CD96: variants seen among roughly 807,000 people sequenced by gnomAD.
CD96 encodes the protein CD96 molecule, also known as T-cell surface protein tactile.
In CD96, 70 loss-of-function variants were observed where a neutral mutation model predicts 71.3. The observed-to-expected ratio is 0.98, with a 90% CI of 0.81 to 1.20. The LOEUF is 1.20. Ranked by LOEUF, CD96 falls within the 50% of genes most tolerant of loss-of-function variation. The pLI, the probability that CD96 is intolerant of heterozygous loss-of-function variation, is 0.00. For synonymous variants in CD96, 248 were observed against 233.0 expected (o/e 1.06, Z -0.59); for missense variants, 742 against 677.5 (o/e 1.10, Z -1.06).
chr3:111,623,638 G>A, intron 8 of CD96, 116 bp from the exon 9 acceptor site: 1 of 717,608 alleles, frequency 1.4e-6, no homozygotes, highest in Non-Finnish European at 2.6e-6. Flanking sequence ...AAATGAGGCT[G>A]TTCACTAAGA....
intron 8 of CD96, among the ~76,000 whole-genome samples, chr3:111,613,548 T>G (rs1938067410): frequency 6.6e-6 from 1 of 152,226 alleles, no homozygotes; most frequent in African/African-American, 2.4e-5. Flanking sequence ...ATGAAGCTGA[T>G]TCAAATGATG....
At chr3:111,643,678 C>T (rs1373402037) in intron 12 of CD96, among the ~76,000 whole-genome samples, 1 of 150,418 alleles carries the variant, frequency 6.6e-6, no homozygotes, top group Non-Finnish European at 1.5e-5. Context: ...CATCTATACA[C>T]CAACAGCAAC....
intron 12 of CD96, among the ~76,000 whole-genome samples, 197 bp from the exon 13 acceptor site, chr3:111,647,346 T>G (rs1939878645): frequency 6.6e-6 from 1 of 152,004 alleles, no homozygotes; most frequent in African/African-American, 2.4e-5. Flanking sequence ...CCACAGAAAA[T>G]TTCTGGTAGG....
At chr3:111,554,925 G>T (rs1045595177) in intron 2 of CD96, among the ~76,000 whole-genome samples, 20 of 152,036 alleles carry the variant, frequency 1.3e-4, no homozygotes, top group South Asian at 6.2e-4. Flanking sequence ...TCAGGCATTA[G>T]ATTCTCATAA....
intron 2 of CD96, among the ~76,000 whole-genome samples, chr3:111,546,647 G>A (rs1934408586): frequency 6.6e-6 from 1 of 151,968 alleles, no homozygotes; most frequent in Non-Finnish European, 1.5e-5. Flanking sequence ...CAGTGGACTG[G>A]TTCTAACTCA....
At chr3:111,567,467 G>T (rs2107547444) in intron 2 of CD96, 56 bp from the exon 3 acceptor site, 1 of 1,487,148 alleles carries the variant, frequency 6.7e-7, no homozygotes, top group Non-Finnish European at 9.4e-7. Context: ...TTGATAAAAA[G>T]CACTTTACAA....
intron 8 of CD96, among the ~76,000 whole-genome samples, chr3:111,622,419 A>T (rs1313489011): frequency 6.6e-6 from 1 of 152,028 alleles, no homozygotes; most frequent in Non-Finnish European, 1.5e-5. Flanking sequence ...TATATGTATG[A>T]CTCTTTTAAT....
intron 8 of CD96, among the ~76,000 whole-genome samples, chr3:111,615,506 A>G (rs191160065): frequency 3.5e-4 from 53 of 152,356 alleles, no homozygotes; most frequent in African/African-American, 1.2e-3. Flanking sequence ...TAGAACCTCT[A>G]AATCCATTTG....
At chr3:111,557,617 T>C (rs1193141367) in intron 2 of CD96, among the ~76,000 whole-genome samples, 7 of 129,242 alleles carry the variant, frequency 5.4e-5, no homozygotes, top group Admixed American at 1.6e-4. Flanking sequence ...AGCCTTGTAG[T>C]ATAGTTTGAA....
chr3:111,635,737 G>T (rs1939296990), intron 10 of CD96, among the ~76,000 whole-genome samples: 1 of 152,146 alleles, frequency 6.6e-6, no homozygotes, highest in African/African-American at 2.4e-5. Context: ...TCCTTAAATG[G>T]ATTGTGCTTA....
At chr3:111,579,394 G>T (rs774010431) in intron 4 of CD96, 160 bp downstream of exon 4, 4 of 702,364 alleles carry the variant, frequency 5.7e-6, no homozygotes, top group African/African-American at 3.5e-5. Flanking sequence ...TGGGCAGGGG[G>T]ATGAGGGTAG....
At chr3:111,548,848 C>T (rs77037095) in intron 2 of CD96, among the ~76,000 whole-genome samples, 1,925 of 152,222 alleles carry the variant, frequency 0.013, 19 homozygotes, top group Non-Finnish European at 0.018. Flanking sequence ...AATGCTGGCT[C>T]TTCTTAAATT....
At chr3:111,660,402 G>T (rs930396998) in intron 14 of CD96, among the ~76,000 whole-genome samples, 6 of 152,150 alleles carry the variant, frequency 3.9e-5, no homozygotes, top group African/African-American at 1.4e-4. Context: ...CATGCTCATA[G>T]ATTGGAATAA....
intron 8 of CD96, among the ~76,000 whole-genome samples, chr3:111,619,590 CTATTGAA>C (rs1471527229): frequency 6.6e-6 from 1 of 152,184 alleles, no homozygotes; most frequent in Non-Finnish European, 1.5e-5. Context: ...TTAGAACACA[CTATTGAA>C]TATTGAAGAG....
In CD96 at chr3:111,650,776, T is replaced by C. The variant is rs543682401; in HGVS notation, c.*970T>C. ...CTTTTTTAAAGCAGTTGAAGCAGAA[T>C]GTATAGGTGTCAGAGAAGAAACCTA... is the stretch of plus-strand genomic sequence containing the variant. On this transcript the variant is annotated 3_prime_UTR_variant, in exon 14 of 14. Transcript: ENST00000352690. The C allele has an allele frequency of 2.6e-5, 4 of 152,368 alleles. No homozygotes were observed. The South Asian group carries it at 8.3e-4, about 32-fold the overall frequency. The allele number at this position is 152,368 out of a possible 1,614,324, so 9.4% of individuals were successfully genotyped here. A position where few individuals can be genotyped will look rare whatever the true frequency, so the allele number is the denominator to read the frequency against.
intron 8 of CD96, among the ~76,000 whole-genome samples, chr3:111,607,957 G>A (rs766432671): frequency 1.3e-5 from 2 of 152,118 alleles, no homozygotes; most frequent in African/African-American, 2.4e-5. Flanking sequence ...CTAGTATCCT[G>A]TGTATTAGTT....
chr3:111,595,676 C>T (rs1295129523), intron 5 of CD96, among the ~76,000 whole-genome samples: 1 of 151,384 alleles, frequency 6.6e-6, no homozygotes, highest in Non-Finnish European at 1.5e-5. Flanking sequence ...GTGGGAAAGG[C>T]TGAAATATTA....
chr3:111,542,420 C>CTGCTG, intron 1 of CD96, 111 bp downstream of exon 1: 26 of 213,040 alleles, frequency 1.2e-4, no homozygotes, highest in Non-Finnish European at 2.2e-4. Flanking sequence ...CACCAAAGGA[C>CTGCTG]AAATCATTAC....
chr3:111,551,224 A>G (rs1004645658), intron 2 of CD96, among the ~76,000 whole-genome samples: 1 of 152,150 alleles, frequency 6.6e-6, no homozygotes, highest in Non-Finnish European at 1.5e-5. Flanking sequence ...TTTACATGAT[A>G]ACAAGATCCA....
Sources: allele counts gnomAD v4.1 joint callset (sites outside exome capture counted in the v4.1 genomes callset), GRCh38; gene constraint gnomAD v4.1.1; transcripts MANE v1.5; gene names NCBI Gene and HGNC (gene_info 2026-07-23, HGNC 2026-07-21).